The following TEAD1 variants were observed in gnomAD, a reference collection of about 807,000 sequenced individuals.
The protein encoded by TEAD1 is TEA domain transcription factor 1, also known as transcriptional enhancer factor TEF-1.
TEAD1 carries 9 observed loss-of-function variants against 54.9 expected under a neutral mutation model. The ratio of observed to expected loss-of-function variants is 0.16; its 90% CI spans 0.10 to 0.29. The LOEUF is 0.29. Among genes scored for constraint, TEAD1 ranks in the 10% least tolerant of loss-of-function variants. The probability of loss-of-function intolerance (pLI) is 1.00; values close to 1 mark genes in which losing one functional copy is unlikely to be tolerated. For synonymous variants in TEAD1, 200 were observed against 187.8 expected (o/e 1.07, Z -0.53); for missense variants, 387 against 535.9 (o/e 0.72, Z 2.74).
chr11:12,734,316 A>C (rs1226869875), intron 2 of TEAD1, among the ~76,000 whole-genome samples: 1 of 152,232 alleles, frequency 6.6e-6, no homozygotes, highest in Non-Finnish European at 1.5e-5. Flanking sequence ...GCTGTACAGT[A>C]TGTTTGTGTT....
intron 3 of TEAD1, chr11:12,823,744 T>G (rs555004242): frequency 6.6e-6 from 1 of 152,314 alleles, no homozygotes; most frequent in Admixed American, 6.5e-5. Context: ...AGTGTCAGAT[T>G]TTTTTGTCCA....
rs77563858 is a variant in TEAD1, at chr11:12,789,778, G to A, written c.202+25344G>A. 5.7e-3 allele frequency among the ~76,000 whole-genome samples: 862 copies of A among 152,316 alleles called. 3 individuals are homozygous for A. The highest frequency in any genetic ancestry group is 0.02 in the African/African-American group (815 of 41,580). ...TCAGTTGGGTTGTACGGCTGGGCTC[G>A]GCTGGGCTCAGCTGGGCCTGTGGAG... On this transcript the variant is annotated intron_variant, in intron 3 of 12. Transcript: ENST00000527636.
intron 2 of TEAD1, among the ~76,000 whole-genome samples, chr11:12,719,949 GTTTTTTTTTTTTTTTTT>G (rs1200965763): frequency 7.0e-4 from 28 of 39,978 alleles, no homozygotes; most frequent in South Asian, 2.8e-3. Flanking sequence ...GAAATCTAAT[GTTTTTTTTTTTTTTTTT>G]TTTTTTTTTT....
chr11:12,905,532 G>A (rs946451217), intron 10 of TEAD1, among the ~76,000 whole-genome samples: 1 of 152,140 alleles, frequency 6.6e-6, no homozygotes, highest in African/African-American at 2.4e-5. Flanking sequence ...ATTTAAATTC[G>A]GTTTGCAATT....
chr11:12,902,714 T>C (rs1038869382), intron 10 of TEAD1, among the ~76,000 whole-genome samples: 6 of 152,178 alleles, frequency 3.9e-5, no homozygotes, highest in African/African-American at 1.4e-4. Flanking sequence ...TAAAACTGTT[T>C]TAAGTGTTTG....
Position 12,813,802 on chromosome 11 carries a change from G to A in TEAD1, c.203-48448G>A, listed in dbSNP as rs193057780. Among the ~76,000 whole-genome samples the A allele has an allele frequency of 5.3e-5, 8 of 152,270 alleles. No homozygotes were observed. In the East Asian group the frequency reaches 9.7e-4, roughly 18 times the overall value. On this transcript the variant is annotated intron_variant, in intron 3 of 12. Transcript: ENST00000527636. ...GTGCCAGGGGGTGGCGTGCTGAACTGCAAGTTCATCTGGGATCTCCTGGTT... is the reference window on the plus strand; with the variant it reads ...GTGCCAGGGGGTGGCGTGCTGAACTACAAGTTCATCTGGGATCTCCTGGTT...
chr11:12,743,007 C>T (rs933579184), intron 2 of TEAD1, among the ~76,000 whole-genome samples: 4 of 152,176 alleles, frequency 2.6e-5, no homozygotes, highest in African/African-American at 9.7e-5. Context: ...CTGGGCAGTG[C>T]TGTAATACGT....
chr11:12,708,360 C>A (rs920583684), intron 2 of TEAD1, among the ~76,000 whole-genome samples: 1 of 151,894 alleles, frequency 6.6e-6, no homozygotes, highest in Non-Finnish European at 1.5e-5. Flanking sequence ...ATGCCTGTCA[C>A]TCGTGAAGAG....
At chr11:12,930,350 T>C (rs1948990916) in intron 12 of TEAD1, 24 bp downstream of exon 12, 7 of 1,613,650 alleles carry the variant, frequency 4.3e-6, no homozygotes, top group Non-Finnish European at 5.1e-6. Flanking sequence ...CTCTTTCCTC[T>C]GTGGGCAGAT....
intron 3 of TEAD1, among the ~76,000 whole-genome samples, chr11:12,765,789 G>T (rs1427383142): frequency 1.3e-5 from 2 of 152,174 alleles, no homozygotes; most frequent in Non-Finnish European, 2.9e-5. Context: ...TTGTAGCCAG[G>T]GAAGCCTCTT....
chr11:12,768,410 A>G (rs1945250621), intron 3 of TEAD1, among the ~76,000 whole-genome samples: 1 of 152,122 alleles, frequency 6.6e-6, no homozygotes, highest in Non-Finnish European at 1.5e-5. Flanking sequence ...CTGAAAACAA[A>G]GAAGTGCTCT....
chr11:12,740,074 G>A (rs1944621089), intron 2 of TEAD1, among the ~76,000 whole-genome samples: 2 of 152,180 alleles, frequency 1.3e-5, no homozygotes, highest in Admixed American at 1.3e-4. Flanking sequence ...GCATAACAGT[G>A]GCTTGGGAGT....
At chr11:12,789,151 GGT>G (rs982759503) in intron 3 of TEAD1, among the ~76,000 whole-genome samples, 6 of 152,134 alleles carry the variant, frequency 3.9e-5, no homozygotes, top group African/African-American at 1.4e-4. Flanking sequence ...TGCACTTGAG[GGT>G]TAGATGTAAC....
chr11:12,875,490 A>T (rs979353909), intron 5 of TEAD1, among the ~76,000 whole-genome samples: 3 of 152,216 alleles, frequency 2.0e-5, no homozygotes, highest in Non-Finnish European at 4.4e-5. Flanking sequence ...TGATTTCAAG[A>T]TATCCCTGGT....
At chr11:12,837,490 G>A (rs1386495959) in intron 3 of TEAD1, among the ~76,000 whole-genome samples, 1 of 152,122 alleles carries the variant, frequency 6.6e-6, no homozygotes, top group Non-Finnish European at 1.5e-5. Flanking sequence ...TTAAACAACA[G>A]AAATTAATTT....
At chr11:12,806,339 A>G (rs754766037) in intron 3 of TEAD1, among the ~76,000 whole-genome samples, 4 of 152,216 alleles carry the variant, frequency 2.6e-5, no homozygotes, top group African/African-American at 9.6e-5. Flanking sequence ...GCAGTGAAGC[A>G]TACTCACACC....
intron 3 of TEAD1, among the ~76,000 whole-genome samples, chr11:12,835,757 A>G (rs1946876689): frequency 6.6e-6 from 1 of 152,214 alleles, no homozygotes; most frequent in Admixed American, 6.5e-5. Flanking sequence ...CTATTCAAAG[A>G]GGCAAACTCA....
intron 2 of TEAD1, among the ~76,000 whole-genome samples, chr11:12,699,933 G>C (rs1943662534): frequency 6.6e-6 from 1 of 152,138 alleles, no homozygotes; most frequent in Non-Finnish European, 1.5e-5. Flanking sequence ...GAATGTTTTG[G>C]TCTATGAGAC....
chr11:12,901,744 A>G (rs1276570495), intron 9 of TEAD1, among the ~76,000 whole-genome samples, 196 bp from the exon 10 acceptor site: 1 of 152,208 alleles, frequency 6.6e-6, no homozygotes, highest in Non-Finnish European at 1.5e-5. Flanking sequence ...CCTTGTCAGT[A>G]AAAAGCAATG....
Sources: allele counts gnomAD v4.1 joint callset (sites outside exome capture counted in the v4.1 genomes callset), GRCh38; gene constraint gnomAD v4.1.1; transcripts MANE v1.5; gene names NCBI Gene and HGNC (gene_info 2026-07-23, HGNC 2026-07-21).